Variants in MED12L observed in about 807,000 individuals in gnomAD.
MED12L encodes the protein mediator of RNA polymerase II transcription subunit 12-like protein.
Under a neutral mutation model 281.3 loss-of-function variants are expected in MED12L, and 60 were observed. That is an observed-to-expected ratio of 0.21 (90% CI 0.17 to 0.26). The LOEUF (loss-of-function observed/expected upper bound fraction) is 0.26. Among genes scored for constraint, MED12L ranks in the 10% least tolerant of loss-of-function variants. The pLI is 1.00. For missense variants in MED12L, 2,146 were observed against 2,680.9 expected, an observed-to-expected ratio of 0.80 and a Z score of 4.41; for synonymous variants, 974 against 987.2, an observed-to-expected ratio of 0.99 and a Z score of 0.25.
At chr3:151,262,918 C>G (rs997560221) in intron 16 of MED12L, among the ~76,000 whole-genome samples, 30 of 152,090 alleles carry the variant, frequency 2.0e-4, no homozygotes, top group Admixed American at 7.9e-4. Flanking sequence ...AAGCATTTTG[C>G]CTGAAGACAC....
At chr3:151,215,049 A>G (rs1296216234) in intron 16 of MED12L, among the ~76,000 whole-genome samples, 1 of 152,202 alleles carries the variant, frequency 6.6e-6, no homozygotes, top group Admixed American at 6.5e-5. Context: ...TCTAACAAAC[A>G]TATACATTCA....
At chr3:151,315,204 A>C (rs1223425878) in intron 16 of MED12L, among the ~76,000 whole-genome samples, 1 of 152,170 alleles carries the variant, frequency 6.6e-6, no homozygotes, top group African/African-American at 2.4e-5. Flanking sequence ...GTATTTTCTC[A>C]GAGTAAAGAG....
At chr3:151,120,252 A>G (rs140138463) in intron 3 of MED12L, among the ~76,000 whole-genome samples, 64 of 151,942 alleles carry the variant, frequency 4.2e-4, no homozygotes, top group African/African-American at 1.5e-3. Flanking sequence ...AAAAACCAAA[A>G]ACAAACAAAA....
intron 39 of MED12L, 124 bp downstream of exon 39, chr3:151,394,991 GTCTA>G: frequency 8.1e-7 from 1 of 1,241,048 alleles, no homozygotes; most frequent in Non-Finnish European, 1.1e-6. Flanking sequence ...GTGAGTGCAG[GTCTA>G]TCTCTCTGTT....
intron 16 of MED12L, chr3:151,294,177 C>T (rs1360610899): frequency 1.3e-6 from 2 of 1,561,042 alleles, no homozygotes; most frequent in Non-Finnish European, 1.8e-6. Flanking sequence ...GCCTACACAT[C>T]AGTGTAATCA....
chr3:151,148,727 A>C (rs1011713581), intron 5 of MED12L, among the ~76,000 whole-genome samples: 1 of 152,220 alleles, frequency 6.6e-6, no homozygotes, highest in African/African-American at 2.4e-5. Flanking sequence ...ATTTCATTTC[A>C]CATAGTGAGT....
intron 22 of MED12L, 142 bp from the exon 23 acceptor site, chr3:151,365,708 T>C (rs769399355): frequency 1.4e-6 from 1 of 728,518 alleles, no homozygotes. Flanking sequence ...TACTAAGTTA[T>C]TTGACAAATG....
chr3:151,423,303 T>C (rs1409760478), intron 43 of MED12L, among the ~76,000 whole-genome samples: 1 of 152,090 alleles, frequency 6.6e-6, no homozygotes, highest in Non-Finnish European at 1.5e-5. Context: ...TGTGGGACAA[T>C]GATCATCCCT....
At chr3:151,244,158 A>G (rs981607126) in intron 16 of MED12L, among the ~76,000 whole-genome samples, 8 of 131,318 alleles carry the variant, frequency 6.1e-5, no homozygotes, top group South Asian at 2.7e-4. Flanking sequence ...ACTCCCACAC[A>G]TTAATAATGG....
chr3:151,101,404 G>T (rs1226551024), intron 2 of MED12L, among the ~76,000 whole-genome samples: 1 of 152,118 alleles, frequency 6.6e-6, no homozygotes, highest in Non-Finnish European at 1.5e-5. Flanking sequence ...GCACAGAGAG[G>T]TACTTAACTT....
Position 151,338,375 on chromosome 3 carries a change from CAA to C in MED12L, c.2251-11682_2251-11681del. 1 of 1,614,002 alleles carries C rather than the reference CAA, an allele frequency of 6.2e-7. No individual in the cohort carries two copies. The highest frequency in any genetic ancestry group is 8.5e-7 in the Non-Finnish European group (1 of 1,179,994). On this transcript the variant is annotated intron_variant, in intron 16 of 44. Transcript: ENST00000687756. ...GCCTGTTGGTCAGAATCATGTTAGG[CAA>C]AGAGAGTAAGAACATGAATGCCCAG... is the stretch of plus-strand genomic sequence containing the variant.
At chr3:151,376,656 G>C in intron 28 of MED12L, 144 bp from the exon 29 acceptor site, 1 of 681,706 alleles carries the variant, frequency 1.5e-6, no homozygotes, top group Non-Finnish European at 2.5e-6. Flanking sequence ...TATGCAGCAA[G>C]ATTGGGAACC....
At chr3:151,149,401 CCATT>C (rs1393787499) in intron 5 of MED12L, among the ~76,000 whole-genome samples, 1 of 152,124 alleles carries the variant, frequency 6.6e-6, no homozygotes. Flanking sequence ...GTATTGTAGT[CCATT>C]AAGTGTGCAA....
At chr3:151,248,100 A>T (rs1736090515) in intron 16 of MED12L, among the ~76,000 whole-genome samples, 1 of 151,608 alleles carries the variant, frequency 6.6e-6, no homozygotes, top group Non-Finnish European at 1.5e-5. Flanking sequence ...ACACAATAAT[A>T]TTCCTTGTCC....
intron 12 of MED12L, 133 bp from the exon 13 acceptor site, chr3:151,188,221 A>G (rs963605621): frequency 3.3e-6 from 2 of 611,924 alleles, no homozygotes; most frequent in African/African-American, 3.7e-5. Context: ...GGTCCCTTAA[A>G]TAAGTACAGA....
intron 16 of MED12L, among the ~76,000 whole-genome samples, chr3:151,329,888 C>T (rs1391682533): frequency 6.6e-6 from 1 of 152,112 alleles, no homozygotes; most frequent in African/African-American, 2.4e-5. Context: ...TAAAATCAGA[C>T]AGAATAATCT....
At chr3:151,405,450 G>A (rs1363468829) in intron 39 of MED12L, among the ~76,000 whole-genome samples, 1 of 152,112 alleles carries the variant, frequency 6.6e-6, no homozygotes, top group Non-Finnish European at 1.5e-5. Flanking sequence ...CATAGCACCT[G>A]CCTAGACACA....
chr3:151,337,901 G>A, intron 16 of MED12L: 1 of 1,614,086 alleles, frequency 6.2e-7, no homozygotes, highest in Non-Finnish European at 8.5e-7. Context: ...CAGAATTGGG[G>A]CACTTCAGCA....
At chr3:151,247,309 C>T (rs1004218220) in intron 16 of MED12L, among the ~76,000 whole-genome samples, 27 of 152,080 alleles carry the variant, frequency 1.8e-4, no homozygotes, top group Non-Finnish European at 3.5e-4. Context: ...AAGACACATG[C>T]ACACGTATGT....
Sources: gnomAD v4.1 joint callset for allele counts (sites outside exome capture counted in the v4.1 genomes callset) on GRCh38, gnomAD v4.1.1 for gene constraint, MANE v1.5 for transcripts, NCBI Gene and HGNC (gene_info 2026-07-23, HGNC 2026-07-21) for gene names.